The following RALYL variants were observed in gnomAD, a reference collection of about 807,000 sequenced individuals.
RALYL encodes the protein RALY RNA binding protein like.
A neutral mutation model predicts 35.1 loss-of-function variants in RALYL; 29 were observed. The observed-to-expected ratio is 0.83, with a 90% CI of 0.61 to 1.13. The LOEUF (loss-of-function observed/expected upper bound fraction) is 1.13, where lower values mean the gene tolerates loss of function less well. Among genes scored for constraint, RALYL ranks in the 50% most tolerant of loss-of-function variants. RALYL has a pLI of 0.00. For synonymous variants in RALYL, 120 were observed against 127.6 expected, an observed-to-expected ratio of 0.94 and a Z score of 0.40; for missense variants, 359 against 360.4, an observed-to-expected ratio of 1.00 and a Z score of 0.03.
intron 2 of RALYL, among the ~76,000 whole-genome samples, chr8:84,577,085 A>G (rs1340405386): frequency 6.6e-6 from 1 of 152,210 alleles, no homozygotes; most frequent in Admixed American, 6.5e-5. Flanking sequence ...CACAGCTTTT[A>G]TCTGACAGTT....
intron 2 of RALYL, among the ~76,000 whole-genome samples, chr8:84,552,536 G>A (rs2060818961): frequency 6.6e-6 from 1 of 151,122 alleles, no homozygotes; most frequent in Non-Finnish European, 1.5e-5. Flanking sequence ...TTTTACAGAG[G>A]AGAACAATTT....
intron 1 of RALYL, among the ~76,000 whole-genome samples, chr8:84,336,338 C>T (rs1847800760): frequency 6.6e-6 from 1 of 152,048 alleles, no homozygotes; most frequent in African/African-American, 2.4e-5. Context: ...CAATTTCAAC[C>T]CAGGCTTTTT....
intron 1 of RALYL, among the ~76,000 whole-genome samples, chr8:84,350,488 G>A (rs981667923): frequency 6.7e-6 from 1 of 150,300 alleles, no homozygotes; most frequent in African/African-American, 2.5e-5. Context: ...GGTCGAGACA[G>A]TACTACACTG....
At chr8:84,280,492 G>C in intron 1 of RALYL, among the ~76,000 whole-genome samples, 1 of 151,870 alleles carries the variant, frequency 6.6e-6, no homozygotes, top group Non-Finnish European at 1.5e-5. Flanking sequence ...AACAAAATTA[G>C]TTTATATTTC....
chr8:84,208,394 T>C (rs1228629873), intron 1 of RALYL, among the ~76,000 whole-genome samples: 2 of 152,178 alleles, frequency 1.3e-5, no homozygotes, highest in East Asian at 3.9e-4. Flanking sequence ...CCCCTCAAAA[T>C]ATGATTGGTA....
At chr8:84,370,414 A>T (rs1422210596) in intron 1 of RALYL, among the ~76,000 whole-genome samples, 1 of 151,476 alleles carries the variant, frequency 6.6e-6, no homozygotes. Context: ...TAGTTAGAAC[A>T]TGGGAAATTT....
At chr8:84,452,246 T>TC (rs1055304635) in intron 1 of RALYL, among the ~76,000 whole-genome samples, 8 of 151,526 alleles carry the variant, frequency 5.3e-5, no homozygotes, top group African/African-American at 1.4e-4. Context: ...TTTTTTTTTT[T>TC]CCCCTAAGTT....
chr8:84,262,418 T>A (rs1343762064), intron 1 of RALYL, among the ~76,000 whole-genome samples: 1 of 152,158 alleles, frequency 6.6e-6, no homozygotes, highest in African/African-American at 2.4e-5. Flanking sequence ...ATGTTTATAG[T>A]TTCTTTTTCT....
At chr8:84,741,571 C>T (rs1807313656) in intron 2 of RALYL, among the ~76,000 whole-genome samples, 1 of 151,884 alleles carries the variant, frequency 6.6e-6, no homozygotes. Context: ...CTCTCCAGCC[C>T]TTTTACAAAG....
intron 8 of RALYL, among the ~76,000 whole-genome samples, chr8:84,901,218 A>G (rs1174689026): frequency 6.6e-6 from 1 of 152,168 alleles, no homozygotes; most frequent in Non-Finnish European, 1.5e-5. Context: ...TCTAAAGTAA[A>G]TGCTCTAAGA....
At chr8:84,342,277 AAT>A (rs57901276) in intron 1 of RALYL, among the ~76,000 whole-genome samples, 1,082 of 66,032 alleles carry the variant, frequency 0.016, 224 homozygotes, top group African/African-American at 0.021. Flanking sequence ...AGCATCGTTC[AAT>A]ATATATATAT....
rs1348119281 is a variant in RALYL at position 84,811,235 on chromosome 8, T to A, written c.365+6433T>A. Among the ~76,000 whole-genome samples the A allele has an allele frequency of 2.6e-5, 4 of 152,156 alleles. No individual in the cohort carries two copies. In the East Asian group the frequency reaches 7.7e-4, roughly 29 times the overall value. On this transcript the variant is annotated intron_variant, in intron 4 of 8. Transcript: ENST00000521268. ...TACTGGCAAACTCTCTCAGCATTTGTTTGTCTGAGAAAGATGGTATGTTTC... is the reference window on the plus strand; with the variant it reads ...TACTGGCAAACTCTCTCAGCATTTGATTGTCTGAGAAAGATGGTATGTTTC...
chr8:84,704,245 C>T (rs1480269494), intron 2 of RALYL, among the ~76,000 whole-genome samples: 2 of 151,900 alleles, frequency 1.3e-5, no homozygotes, highest in African/African-American at 4.8e-5. Flanking sequence ...GCCAACATGG[C>T]GAAACCCTGT....
chr8:84,802,659 A>AACTC (rs1252495913), intron 3 of RALYL, among the ~76,000 whole-genome samples: 2 of 152,234 alleles, frequency 1.3e-5, no homozygotes, highest in East Asian at 1.9e-4. Flanking sequence ...ACACATTCTG[A>AACTC]ACTCAGTATT....
chr8:84,554,198 A>G (rs2060943590), intron 2 of RALYL, among the ~76,000 whole-genome samples: 2 of 152,200 alleles, frequency 1.3e-5, no homozygotes, highest in Admixed American at 1.3e-4. Context: ...TGTGTAGGCA[A>G]CAATGTTCTA....
At chr8:84,309,354 G>C (rs888900785) in intron 1 of RALYL, among the ~76,000 whole-genome samples, 1 of 151,570 alleles carries the variant, frequency 6.6e-6, no homozygotes, top group Non-Finnish European at 1.5e-5. Context: ...CAAATCAGAA[G>C]TAGTATAGAA....
rs185278605 is a variant in RALYL, at chr8:84,419,300, T to C, written c.-23-109999T>C. On this transcript the variant is annotated intron_variant, in intron 1 of 8. Transcript: ENST00000521268. ...CCTTAAGTTTTCTTGAGCCTTTTGGTATTAACGTCTGTCAATCCCATTCTG... is the reference window on the plus strand; with the variant it reads ...CCTTAAGTTTTCTTGAGCCTTTTGGCATTAACGTCTGTCAATCCCATTCTG... Among the ~76,000 whole-genome samples the C allele has an allele frequency of 2.3e-4, 35 of 152,252 alleles. No homozygotes were observed. The East Asian group carries it at 3.9e-3, about 17-fold the overall frequency.
chr8:84,886,077 T>G (rs1274833440), intron 7 of RALYL, among the ~76,000 whole-genome samples: 1 of 152,078 alleles, frequency 6.6e-6, no homozygotes, highest in Non-Finnish European at 1.5e-5. Flanking sequence ...AGAGCTAGAA[T>G]CTTGTCAACT....
At chr8:84,735,811 C>CAA (rs1554556052) in intron 2 of RALYL, among the ~76,000 whole-genome samples, 20 of 111,390 alleles carry the variant, frequency 1.8e-4, no homozygotes, top group Admixed American at 1.4e-3. Context: ...ATCCAAACCG[C>CAA]GAGAGAGAGA....
Sources: gnomAD v4.1 joint callset for allele counts (sites outside exome capture counted in the v4.1 genomes callset) on GRCh38, gnomAD v4.1.1 for gene constraint, MANE v1.5 for transcripts, NCBI Gene and HGNC (gene_info 2026-07-23, HGNC 2026-07-21) for gene names.